NEDD4: variants seen among roughly 807,000 people sequenced by gnomAD.
NEDD4 encodes E3 ubiquitin-protein ligase NEDD4.
Under a neutral mutation model 144.9 loss-of-function variants are expected in NEDD4, and 99 were observed. That is an observed-to-expected ratio of 0.68 (90% CI 0.58 to 0.81). The LOEUF (loss-of-function observed/expected upper bound fraction) is 0.81, where lower values mean the gene tolerates loss of function less well. Ranked by LOEUF, NEDD4 falls within the 30% of genes least tolerant of loss-of-function variation. NEDD4 has a pLI of 0.00. For synonymous variants in NEDD4, 318 were observed against 350.6 expected (o/e 0.91, Z 1.04); for missense variants, 985 against 1,065.9 (o/e 0.92, Z 1.06).
chr15:55,869,659 A>C lies in NEDD4; in HGVS notation c.427T>G (p.Tyr143Asp). ...AAATAAGTCATTTTTAGTCTCAGAT[A>C]ACCTTTAACTCTTGATTTGTGACTG... Reference protein sequence around the residue: ...PRSHKSRVKGYLRLKMTYLPK... With the variant: ...PRSHKSRVKGDLRLKMTYLPK... The change falls in exon 8 of 29, where the codon TAT (tyrosine) becomes GAT (aspartate). Residue 143 changes from tyrosine to aspartate, a missense_variant. Physicochemically the swap from Tyr to Asp is radical, Grantham distance 160. Coordinates refer to ENST00000435532, the MANE Select transcript of NEDD4 (RefSeq NM_006154.4). The C allele has an allele frequency of 6.4e-7, 1 of 1,561,820 alleles. No individual in the cohort carries two copies. The highest frequency in any genetic ancestry group is 2.3e-5 in the East Asian group (1 of 42,890).
At chr15:55,930,121 G>A (rs2036751526) in intron 4 of NEDD4, among the ~76,000 whole-genome samples, 1 of 152,102 alleles carries the variant, frequency 6.6e-6, no homozygotes, top group South Asian at 2.1e-4. Context: ...TGGCTTGTGT[G>A]CTAAATCCAG....
chr15:55,941,821 C>T (rs1843224251), intron 4 of NEDD4, among the ~76,000 whole-genome samples: 1 of 152,206 alleles, frequency 6.6e-6, no homozygotes, highest in South Asian at 2.1e-4. Flanking sequence ...GATATGCCTG[C>T]ATCGGCTTCC....
chr15:55,848,804 A>G lies in NEDD4; in HGVS notation c.1428+2T>C. The G allele has an allele frequency of 1.2e-6, 2 of 1,612,436 alleles. No homozygotes were observed. Among genetic ancestry groups the G allele is most frequent in the Non-Finnish European group, 1.7e-6 (2 of 1,178,690 alleles). On this transcript the variant is annotated splice_donor_variant, in intron 15 of 28. Coordinates refer to ENST00000435532, the MANE Select transcript of NEDD4 (RefSeq NM_006154.4). LOFTEE classifies it high-confidence loss of function. ...GATGGGTTAGCATTTCTATACACTT[A>G]CAGGTAAAGGCCCTAGATCATTGGA...
intron 13 of NEDD4, among the ~76,000 whole-genome samples, chr15:55,852,211 G>A (rs1246779978): frequency 2.6e-5 from 4 of 151,848 alleles, no homozygotes; most frequent in East Asian, 2.0e-4. Context: ...CAGGAGAATC[G>A]CTTGAACCCA....
At chr15:55,978,473 T>C (rs1227805452) in intron 1 of NEDD4, among the ~76,000 whole-genome samples, 1 of 152,184 alleles carries the variant, frequency 6.6e-6, no homozygotes, top group African/African-American at 2.4e-5. Flanking sequence ...TCTCACATGT[T>C]TGAAAAGGAG....
At chr15:55,989,122 GC>G (rs1298002725) in intron 1 of NEDD4, among the ~76,000 whole-genome samples, 6 of 152,220 alleles carry the variant, frequency 3.9e-5, no homozygotes, top group East Asian at 1.9e-4. Context: ...TATAATCCCA[GC>G]TACCCTGGAG....
In NEDD4 at chr15:55,915,606, T is replaced by A. The variant is rs550750549; in HGVS notation, c.291+9040A>T. ...ATGCATGAGCTTAATATACTCTGAATCAGAATTAAGCTTAATTTCTGACAT... is the reference window on the plus strand; with the variant it reads ...ATGCATGAGCTTAATATACTCTGAAACAGAATTAAGCTTAATTTCTGACAT... On this transcript the variant is annotated intron_variant, in intron 5 of 28. Coordinates refer to ENST00000435532, the MANE Select transcript of NEDD4 (RefSeq NM_006154.4). 19 of 1,613,914 alleles carry A rather than the reference T, an allele frequency of 1.2e-5. No individual in the cohort carries two copies. In the South Asian group the frequency reaches 1.8e-4, roughly 15 times the overall value.
At chr15:55,873,829 T>C in intron 6 of NEDD4, 129 bp downstream of exon 6, 1 of 428,414 alleles carries the variant, frequency 2.3e-6, no homozygotes, top group East Asian at 3.7e-5. Flanking sequence ...TAGAAAACAG[T>C]ATGCTCAATA....
chr15:55,925,187 T>C (rs1352403988), intron 4 of NEDD4, among the ~76,000 whole-genome samples: 1 of 152,250 alleles, frequency 6.6e-6, no homozygotes, highest in Admixed American at 6.5e-5. Context: ...TCACTCATTT[T>C]CTAGTAGTTT....
At chr15:55,950,426 A>G (rs1179510434) in intron 4 of NEDD4, among the ~76,000 whole-genome samples, 1 of 152,232 alleles carries the variant, frequency 6.6e-6, no homozygotes. Context: ...AAAAATCTTT[A>G]AACATGAAGT....
In NEDD4 at chr15:55,862,495, C is replaced by G. The variant is rs569902847; in HGVS notation, c.674+418G>C. ...GTCAAATGCGCGTTTAACGTAATAC[C>G]CTTATTATTGAGTCCTTTATATTTT... On this transcript the variant is annotated intron_variant, in intron 9 of 28. Transcript: ENST00000435532. Among the ~76,000 whole-genome samples, 8 of 152,012 alleles carry G rather than the reference C, an allele frequency of 5.3e-5. No individual in the cohort carries two copies. In the South Asian group the frequency reaches 1.7e-3, roughly 32 times the overall value.
intron 1 of NEDD4, among the ~76,000 whole-genome samples, chr15:55,979,823 G>T (rs540537290): frequency 1.9e-4 from 29 of 151,976 alleles, no homozygotes; most frequent in African/African-American, 7.0e-4. Flanking sequence ...ATACTATCTT[G>T]TATCTGAGGC....
At chr15:55,869,324 T>C (rs2034692015) in intron 8 of NEDD4, among the ~76,000 whole-genome samples, 1 of 152,216 alleles carries the variant, frequency 6.6e-6, no homozygotes, top group African/African-American at 2.4e-5. Context: ...ATATACAGTT[T>C]TAGAAAACTT....
rs780901296 is a variant in NEDD4, at chr15:55,968,110, G to A, written c.46-1564C>T. Among the ~76,000 whole-genome samples, 144 of 152,074 alleles carry A rather than the reference G, an allele frequency of 9.5e-4. 2 individuals carry two copies. Among genetic ancestry groups the A allele is most frequent in the Non-Finnish European group, 1.4e-3 (96 of 68,014 alleles). On this transcript the variant is annotated intron_variant, in intron 1 of 28. Coordinates refer to ENST00000435532, the MANE Select transcript of NEDD4 (RefSeq NM_006154.4). Reference sequence around the variant, plus strand: ...AATATTATTATCTTTTTTCTCCAAAGTAATCTATAAATTTAATACTATTCC... The same window carrying A: ...AATATTATTATCTTTTTTCTCCAAAATAATCTATAAATTTAATACTATTCC...
At chr15:55,950,853 T>G (rs538653321) in intron 4 of NEDD4, among the ~76,000 whole-genome samples, 2 of 152,274 alleles carry the variant, frequency 1.3e-5, no homozygotes, top group East Asian at 3.9e-4. Flanking sequence ...TGGTAGGGTT[T>G]CGATTCTGGC....
At position 55,828,043 on chromosome 15, in the gene NEDD4, C is replaced by T. The variant is rs1336172744; in HGVS notation, c.*1854G>A. ...TTCACATGGCTGGTGAGATATCAAACCAGGACTATACCTGGTGCTCATCCT... is the reference window on the plus strand; with the variant it reads ...TTCACATGGCTGGTGAGATATCAAATCAGGACTATACCTGGTGCTCATCCT... On this transcript the variant is annotated 3_prime_UTR_variant, in exon 29 of 29. Coordinates refer to ENST00000435532, the MANE Select transcript of NEDD4 (RefSeq NM_006154.4). The T allele has an allele frequency of 6.6e-6, 1 of 152,138 alleles. No individual in the cohort carries two copies. The highest frequency in any genetic ancestry group is 1.5e-5 in the Non-Finnish European group (1 of 68,032). The allele number at this position is 152,138 out of a possible 1,614,324, so 9.4% of individuals were successfully genotyped here.
chr15:55,830,268 T>TG (rs2032885810), intron 28 of NEDD4, among the ~76,000 whole-genome samples: 1 of 152,196 alleles, frequency 6.6e-6, no homozygotes, highest in Non-Finnish European at 1.5e-5. Flanking sequence ...TAGCCTGTCT[T>TG]GGGACAGCCC....
intron 1 of NEDD4, among the ~76,000 whole-genome samples, chr15:55,970,905 A>T (rs1018181421): frequency 2.6e-5 from 4 of 152,196 alleles, no homozygotes; most frequent in Admixed American, 6.5e-5. Context: ...AAGCATCAAC[A>T]TCATCCAGGA....
At chr15:55,841,729 G>A (rs763440937) in intron 19 of NEDD4, among the ~76,000 whole-genome samples, 103 of 152,134 alleles carry the variant, frequency 6.8e-4, no homozygotes, top group Admixed American at 1.8e-3. Flanking sequence ...CCGCCACCAC[G>A]CCTGGGTAAG....
Sources: allele counts gnomAD v4.1 joint callset (sites outside exome capture counted in the v4.1 genomes callset), GRCh38; gene constraint gnomAD v4.1.1; transcripts MANE v1.5; gene names NCBI Gene and HGNC (gene_info 2026-07-23, HGNC 2026-07-21).